Variants in THSD7B observed in about 807,000 individuals in gnomAD.
THSD7B encodes the protein thrombospondin type-1 domain-containing protein 7B.
A neutral mutation model predicts 213.6 loss-of-function variants in THSD7B; 138 were observed. The ratio of observed to expected loss-of-function variants is 0.65; its 90% CI spans 0.56 to 0.74. THSD7B has a LOEUF of 0.74. Among genes scored for constraint, THSD7B ranks in the 30% least tolerant of loss-of-function variants. THSD7B has a pLI of 0.00. For synonymous variants in THSD7B, 742 were observed against 687.0 expected, an observed-to-expected ratio of 1.08 and a Z score of -1.25; for missense variants, 1,931 against 1,991.5, an observed-to-expected ratio of 0.97 and a Z score of 0.58.
chr2:136,829,986 T>C (rs966124149), intron 1 of THSD7B, among the ~76,000 whole-genome samples: 2 of 152,054 alleles, frequency 1.3e-5, no homozygotes, highest in Admixed American at 1.3e-4. Flanking sequence ...CTGGGTATTA[T>C]AGTCTGTAAC....
At chr2:137,659,802 G>A (rs1338098248) in intron 25 of THSD7B, 56 bp downstream of exon 25, 2 of 1,503,928 alleles carry the variant, frequency 1.3e-6, no homozygotes, top group Non-Finnish European at 1.8e-6. Flanking sequence ...TTTTACACAT[G>A]CAATCAGATG....
intron 17 of THSD7B, among the ~76,000 whole-genome samples, chr2:137,590,802 T>TTTTTTTTTG (rs1681849029): frequency 6.8e-6 from 1 of 146,796 alleles, no homozygotes; most frequent in African/African-American, 2.5e-5. Context: ...GTTTTTTTTT[T>TTTTTTTTTG]TTTTTTTTTT....
At chr2:137,294,098 A>T (rs913611973) in intron 12 of THSD7B, among the ~76,000 whole-genome samples, 35 of 151,958 alleles carry the variant, frequency 2.3e-4, no homozygotes, top group Non-Finnish European at 2.6e-4. Flanking sequence ...CTCCCATGGC[A>T]TCCTTCTTTC....
intron 15 of THSD7B, among the ~76,000 whole-genome samples, chr2:137,458,149 TAAG>T (rs1687800441): frequency 6.6e-6 from 1 of 152,224 alleles, no homozygotes; most frequent in African/African-American, 2.4e-5. Context: ...ATGAAAGGAA[TAAG>T]AAGGAGCATT....
intron 2 of THSD7B, among the ~76,000 whole-genome samples, chr2:136,884,615 T>C (rs1214771359): frequency 2.0e-5 from 3 of 152,210 alleles, no homozygotes; most frequent in Admixed American, 6.5e-5. Context: ...TTCTTCCATA[T>C]GTGCATGTAT....
At chr2:137,176,097 T>A (rs1384309424) in intron 7 of THSD7B, among the ~76,000 whole-genome samples, 1 of 152,192 alleles carries the variant, frequency 6.6e-6, no homozygotes, top group African/African-American at 2.4e-5. Flanking sequence ...ATATTTATTT[T>A]CTTGTATTTT....
intron 15 of THSD7B, among the ~76,000 whole-genome samples, chr2:137,486,233 A>G (rs1364693506): frequency 4.6e-5 from 7 of 152,190 alleles, no homozygotes; most frequent in South Asian, 2.1e-4. Context: ...CCATCAGTGT[A>G]CTGTATTCAG....
At chr2:136,823,037 T>G (rs1377587501) in intron 1 of THSD7B, among the ~76,000 whole-genome samples, 3 of 152,228 alleles carry the variant, frequency 2.0e-5, no homozygotes, top group Non-Finnish European at 4.4e-5. Flanking sequence ...TATACTTCTT[T>G]CATGACTGAA....
At chr2:136,828,909 G>A (rs1334063038) in intron 1 of THSD7B, among the ~76,000 whole-genome samples, 1 of 152,138 alleles carries the variant, frequency 6.6e-6, no homozygotes, top group Non-Finnish European at 1.5e-5. Context: ...TAAGCTTCAT[G>A]AGAAGAAGAA....
intron 12 of THSD7B, among the ~76,000 whole-genome samples, chr2:137,377,682 A>G (rs1470832591): frequency 1.3e-5 from 2 of 151,090 alleles, no homozygotes; most frequent in Non-Finnish European, 2.9e-5. Context: ...GCTGGAGTAT[A>G]GTGGTGCGAT....
intron 2 of THSD7B, among the ~76,000 whole-genome samples, chr2:137,001,394 A>G (rs1440643728): frequency 2.0e-5 from 3 of 152,168 alleles, no homozygotes; most frequent in African/African-American, 7.2e-5. Flanking sequence ...CCTTCACAAT[A>G]TAACACACCC....
At chr2:137,412,850 T>TA (rs531210321) in intron 14 of THSD7B, among the ~76,000 whole-genome samples, 4 of 151,156 alleles carry the variant, frequency 2.6e-5, no homozygotes, top group Non-Finnish European at 4.4e-5. Flanking sequence ...AACCAATCAT[T>TA]ACAATGGAGC....
intron 10 of THSD7B, 126 bp from the exon 11 acceptor site, chr2:137,272,407 G>C (rs185660121): frequency 2.2e-6 from 2 of 895,066 alleles, no homozygotes; most frequent in Non-Finnish European, 1.6e-6. Flanking sequence ...TGTTATTTTC[G>C]TTCCCAGGTT....
At chr2:137,084,826 C>G (rs1687808560) in intron 3 of THSD7B, among the ~76,000 whole-genome samples, 2 of 152,106 alleles carry the variant, frequency 1.3e-5, no homozygotes, top group African/African-American at 4.8e-5. Context: ...ATTCAGATTT[C>G]CAGGTTTATT....
At chr2:136,777,777 T>C (rs1387698422) in intron 1 of THSD7B, among the ~76,000 whole-genome samples, 2 of 152,178 alleles carry the variant, frequency 1.3e-5, no homozygotes, top group Non-Finnish European at 2.9e-5. Flanking sequence ...TTTTAGGTTT[T>C]GGAAACAGAG....
intron 12 of THSD7B, among the ~76,000 whole-genome samples, chr2:137,324,436 A>C (rs1027470918): frequency 2.7e-5 from 4 of 150,008 alleles, no homozygotes; most frequent in Admixed American, 6.6e-5. Flanking sequence ...ATTCATGTTT[A>C]TTTCATTCAA....
At chr2:137,178,774 T>C (rs1680403936) in intron 7 of THSD7B, among the ~76,000 whole-genome samples, 1 of 152,196 alleles carries the variant, frequency 6.6e-6, no homozygotes, top group Non-Finnish European at 1.5e-5. Context: ...ATGTTGTCTC[T>C]ATAAACAGGC....
intron 14 of THSD7B, among the ~76,000 whole-genome samples, chr2:137,434,777 G>A (rs1005908931): frequency 1.3e-5 from 2 of 152,068 alleles, no homozygotes; most frequent in African/African-American, 2.4e-5. Context: ...GATGATGTAC[G>A]TCTCCTCTAC....
At chr2:137,613,948 G>A (rs907203708) in intron 17 of THSD7B, among the ~76,000 whole-genome samples, 1 of 152,038 alleles carries the variant, frequency 6.6e-6, no homozygotes, top group African/African-American at 2.4e-5. Context: ...AAGAAATAAG[G>A]AGAAACAGTA....
Sources: allele counts gnomAD v4.1 joint callset (sites outside exome capture counted in the v4.1 genomes callset), GRCh38; gene constraint gnomAD v4.1.1; transcripts MANE v1.5; gene names NCBI Gene and HGNC (gene_info 2026-07-23, HGNC 2026-07-21).